CNTN1: variants seen among roughly 807,000 people sequenced by gnomAD.
The protein encoded by CNTN1 is contactin-1.
Under a neutral mutation model 126.4 loss-of-function variants are expected in CNTN1, and 38 were observed. That is an observed-to-expected ratio of 0.30 (90% CI 0.23 to 0.39). The LOEUF (loss-of-function observed/expected upper bound fraction) is 0.39. Ranked by LOEUF, CNTN1 falls within the 10% of genes least tolerant of loss-of-function variation. The pLI is 1.00. For synonymous variants in CNTN1, 413 were observed against 422.6 expected, an observed-to-expected ratio of 0.98 and a Z score of 0.28; for missense variants, 1,009 against 1,248.4, an observed-to-expected ratio of 0.81 and a Z score of 2.89.
intron 1 of CNTN1, among the ~76,000 whole-genome samples, chr12:40,735,319 C>G (rs1466394398): frequency 6.6e-6 from 1 of 152,028 alleles, no homozygotes; most frequent in Non-Finnish European, 1.5e-5. Flanking sequence ...TAAGAAGATT[C>G]CTCAAAATAC....
intron 11 of CNTN1, among the ~76,000 whole-genome samples, chr12:40,938,634 G>A (rs1233196402): frequency 6.6e-6 from 1 of 152,170 alleles, no homozygotes; most frequent in Non-Finnish European, 1.5e-5. Context: ...TTAGAGGATT[G>A]ACTAGGACCA....
intron 1 of CNTN1, among the ~76,000 whole-genome samples, chr12:40,713,232 T>C (rs868148127): frequency 7.3e-5 from 11 of 151,588 alleles, no homozygotes; most frequent in Middle Eastern, 3.4e-3. Context: ...TTTTTTTTTT[T>C]ACTGCTTTCT....
intron 15 of CNTN1, among the ~76,000 whole-genome samples, chr12:40,974,059 A>G (rs564000999): frequency 1.3e-5 from 2 of 152,334 alleles, no homozygotes; most frequent in Admixed American, 1.3e-4. Flanking sequence ...TTTTTAAAGC[A>G]GAAATGACAG....
At chr12:40,853,087 A>G (rs915079832) in intron 1 of CNTN1, among the ~76,000 whole-genome samples, 3 of 152,136 alleles carry the variant, frequency 2.0e-5, no homozygotes, top group Non-Finnish European at 4.4e-5. Context: ...CAGCCCTGGT[A>G]TGAAAAACAA....
At chr12:40,950,929 A>C (rs1484718166) in intron 14 of CNTN1, among the ~76,000 whole-genome samples, 1 of 151,942 alleles carries the variant, frequency 6.6e-6, no homozygotes, top group Non-Finnish European at 1.5e-5. Context: ...ATATATATAT[A>C]TAAGAATGCC....
At chr12:40,981,280 C>G (rs377120453) in intron 16 of CNTN1, among the ~76,000 whole-genome samples, 11 of 152,226 alleles carry the variant, frequency 7.2e-5, no homozygotes, top group East Asian at 3.9e-4. Context: ...AAAGAAGTAT[C>G]ATTTCTAAAT....
intron 17 of CNTN1, among the ~76,000 whole-genome samples, chr12:41,002,315 A>G (rs1948381398): frequency 6.6e-6 from 1 of 151,528 alleles, no homozygotes; most frequent in African/African-American, 2.4e-5. Context: ...GATTTGTTTG[A>G]GCAGTGGTTT....
At chr12:41,047,733 G>A (rs919346346) in intron 23 of CNTN1, among the ~76,000 whole-genome samples, 1 of 151,970 alleles carries the variant, frequency 6.6e-6, no homozygotes, top group South Asian at 2.1e-4. Flanking sequence ...AAGTTCTAGT[G>A]ATACAATGTA....
intron 23 of CNTN1, among the ~76,000 whole-genome samples, chr12:41,038,419 T>C (rs1018202587): frequency 1.3e-5 from 2 of 152,106 alleles, no homozygotes; most frequent in Non-Finnish European, 2.9e-5. Context: ...CCTTGGCTTG[T>C]AGATGGCCGT....
chr12:40,914,698 C>A (rs1945167671), intron 3 of CNTN1, among the ~76,000 whole-genome samples: 1 of 152,104 alleles, frequency 6.6e-6, no homozygotes, highest in Non-Finnish European at 1.5e-5. Context: ...AGATTCGCTT[C>A]TTATTTTAAT....
At chr12:41,044,706 G>C (rs1949504203) in intron 23 of CNTN1, among the ~76,000 whole-genome samples, 1 of 152,000 alleles carries the variant, frequency 6.6e-6, no homozygotes, top group Non-Finnish European at 1.5e-5. Context: ...CATATATAGT[G>C]AGTGCTTTGG....
intron 14 of CNTN1, among the ~76,000 whole-genome samples, chr12:40,953,393 G>A (rs997449577): frequency 6.6e-6 from 1 of 152,076 alleles, no homozygotes; most frequent in Admixed American, 6.6e-5. Flanking sequence ...CTTTGTAAGC[G>A]TTCTGCCAAC....
intron 20 of CNTN1, among the ~76,000 whole-genome samples, chr12:41,021,813 G>A (rs1169867450): frequency 2.0e-5 from 3 of 151,916 alleles, no homozygotes; most frequent in African/African-American, 4.8e-5. Context: ...TTGTGTTTGC[G>A]GCTAGTAGGA....
In CNTN1 at chr12:40,706,096, T is replaced by TTATA. The variant is rs35315935; in HGVS notation, c.-77+13517_-77+13520dup. 4.9e-3 allele frequency among the ~76,000 whole-genome samples: 719 copies of TTATA among 147,640 alleles called. 4 individuals are homozygous for TTATA. The highest frequency in any genetic ancestry group is 7.0e-3 in the Middle Eastern group (2 of 284). On this transcript the variant is annotated intron_variant, in intron 1 of 23. Transcript: ENST00000551295. ...GATCCAAACTATATCATTTGATGCT[T>TTATA]TATATATATATATATAGATATATAG... is the stretch of plus-strand genomic sequence containing the variant.
At chr12:40,739,908 G>A (rs967788582) in intron 1 of CNTN1, among the ~76,000 whole-genome samples, 14 of 151,996 alleles carry the variant, frequency 9.2e-5, no homozygotes, top group African/African-American at 3.4e-4. Context: ...GATTAGAAAG[G>A]AGGATATGAA....
At chr12:40,998,185 A>G (rs1948268969) in intron 17 of CNTN1, among the ~76,000 whole-genome samples, 1 of 152,188 alleles carries the variant, frequency 6.6e-6, no homozygotes, top group South Asian at 2.1e-4. Context: ...TATACATTCG[A>G]TGCTATTGTC....
chr12:40,836,728 G>A (rs1942074143), intron 1 of CNTN1, among the ~76,000 whole-genome samples: 1 of 152,096 alleles, frequency 6.6e-6, no homozygotes, highest in African/African-American at 2.4e-5. Flanking sequence ...TAAAATAATG[G>A]TGTTGACTGT....
intron 1 of CNTN1, among the ~76,000 whole-genome samples, chr12:40,840,996 A>C (rs1012505176): frequency 6.6e-6 from 1 of 152,092 alleles, no homozygotes; most frequent in South Asian, 2.1e-4. Flanking sequence ...AACAATACAA[A>C]GGATCAGTAA....
chr12:40,843,716 T>A lies in CNTN1; in HGVS notation c.-76-64641T>A, dbSNP rs540616967. On this transcript the variant is annotated intron_variant, in intron 1 of 23. Transcript: ENST00000551295. ...TTATATAATACAAATTGTTTAGAGA[T>A]AAATGCCCTGCAAGATAAGCAAGGA... 1.1e-3 allele frequency among the ~76,000 whole-genome samples: 175 copies of A among 152,302 alleles called. 3 individuals carry two copies. The South Asian group carries it at 0.036, about 31-fold the overall frequency.
Sources: gnomAD v4.1 joint callset for allele counts (sites outside exome capture counted in the v4.1 genomes callset) on GRCh38, gnomAD v4.1.1 for gene constraint, MANE v1.5 for transcripts, NCBI Gene and HGNC (gene_info 2026-07-23, HGNC 2026-07-21) for gene names.